Variants in MECOM observed in about 807,000 individuals in gnomAD.
MECOM encodes histone-lysine N-methyltransferase MECOM.
A neutral mutation model predicts 116.3 loss-of-function variants in MECOM; 13 were observed. The ratio of observed to expected loss-of-function variants is 0.11; its 90% CI spans 0.07 to 0.18. The LOEUF is 0.18. Among genes scored for constraint, MECOM ranks in the 10% least tolerant of loss-of-function variants. The pLI, the probability that MECOM is intolerant of heterozygous loss-of-function variation, is 1.00. For missense variants in MECOM, 1,299 were observed against 1,509.0 expected (o/e 0.86, Z 2.31); for synonymous variants, 528 against 535.2 (o/e 0.99, Z 0.19).
intron 1 of MECOM, among the ~76,000 whole-genome samples, chr3:169,435,134 T>C (rs1474538999): frequency 6.6e-6 from 1 of 152,214 alleles, no homozygotes; most frequent in Non-Finnish European, 1.5e-5. Context: ...TATGGAAATA[T>C]GCAGCAATGA....
chr3:169,516,659 T>C (rs765851815), intron 1 of MECOM, among the ~76,000 whole-genome samples: 1 of 152,186 alleles, frequency 6.6e-6, no homozygotes, highest in Non-Finnish European at 1.5e-5. Flanking sequence ...AGCTTGGGTC[T>C]TTCCAATTCC....
intron 2 of MECOM, among the ~76,000 whole-genome samples, chr3:169,317,774 T>A (rs1287531044): frequency 6.6e-6 from 1 of 152,190 alleles, no homozygotes; most frequent in Non-Finnish European, 1.5e-5. Flanking sequence ...AAGAAAATGC[T>A]TTAAATGTCA....
intron 13 of MECOM, among the ~76,000 whole-genome samples, chr3:169,094,866 A>G (rs1176091406): frequency 6.6e-6 from 1 of 152,242 alleles, no homozygotes; most frequent in Non-Finnish European, 1.5e-5. Context: ...AGATAAAAAC[A>G]TAATCCAAAT....
At chr3:169,551,365 C>T (rs1761382395) in intron 1 of MECOM, among the ~76,000 whole-genome samples, 1 of 151,150 alleles carries the variant, frequency 6.6e-6, no homozygotes, top group African/African-American at 2.4e-5. Context: ...AAACAAATAT[C>T]TACACTTTAA....
At chr3:169,111,719 A>G (rs1727459401) in intron 9 of MECOM, among the ~76,000 whole-genome samples, 1 of 152,108 alleles carries the variant, frequency 6.6e-6, no homozygotes, top group African/African-American at 2.4e-5. Context: ...AGATTTATCC[A>G]ACTAACCCAG....
intron 1 of MECOM, among the ~76,000 whole-genome samples, chr3:169,504,912 T>C (rs930222448): frequency 1.3e-5 from 2 of 152,214 alleles, no homozygotes; most frequent in Non-Finnish European, 2.9e-5. Flanking sequence ...AGCATAGGCA[T>C]AGCTGGCTGA....
chr3:169,488,516 A>G (rs1252410039), intron 1 of MECOM, among the ~76,000 whole-genome samples: 3 of 152,108 alleles, frequency 2.0e-5, no homozygotes, highest in Non-Finnish European at 1.5e-5. Context: ...ACTGCACTGC[A>G]GCCTGGGCGA....
intron 2 of MECOM, among the ~76,000 whole-genome samples, chr3:169,378,450 AAGGAAAGCAAGCAAGC>A (rs1293374589): frequency 0.015 from 825 of 54,078 alleles, 96 homozygotes; most frequent in African/African-American, 0.035. Flanking sequence ...AGAAAGAAAG[AAGGAAAGCAAGCAAGC>A]AAGCAAGCAA....
intron 1 of MECOM, among the ~76,000 whole-genome samples, chr3:169,412,661 A>G (rs1398915677): frequency 2.0e-5 from 3 of 152,200 alleles, no homozygotes; most frequent in Non-Finnish European, 4.4e-5. Flanking sequence ...ATTAATTATA[A>G]TAATGTTTGA....
At chr3:169,120,811 G>T in intron 7 of MECOM, 1 of 325,896 alleles carries the variant, frequency 3.1e-6, no homozygotes, top group Non-Finnish European at 5.5e-6. Flanking sequence ...ATTATCTAAT[G>T]AATTTTCTTT....
Position 169,381,441 on chromosome 3 carries a change from G to C in MECOM, c.121C>G (p.Leu41Val), listed in dbSNP as rs1381796367. Residue 41 changes from leucine (L) to valine (V), a missense_variant, in exon 2 of 17, where the codon CTC (leucine) becomes GTC (valine). This residue lies in a region of MECOM where 374 missense variants were observed against 433.4 expected (regional missense o/e 0.86). Transcript: ENST00000651503. ...DADGVASTPS[L>V]NIQEPCSPAT... is the part of the protein sequence containing the mutation. ...GGAGAGCATGGCTCTTGAATATTGA[G>C]GGAGGGAGTGCTGGCTACTCCATCT... is the stretch of plus-strand genomic sequence containing the variant. 2 of 1,613,768 alleles carry C rather than the reference G, an allele frequency of 1.2e-6. No homozygotes were observed. Among genetic ancestry groups the C allele is most frequent in the Admixed American group, 1.7e-5 (1 of 59,992 alleles).
rs147636169 is a variant in MECOM at position 169,165,371 on chromosome 3, G to T, written c.376-21539C>A. On this transcript the variant is annotated intron_variant, in intron 2 of 16. Transcript: ENST00000651503. ...TATAACCAAACATTGCAATTGTACCGGATGGTCAAGCCATCTATAGCATAC... is the reference window on the plus strand; with the variant it reads ...TATAACCAAACATTGCAATTGTACCTGATGGTCAAGCCATCTATAGCATAC... 4.6e-5 allele frequency among the ~76,000 whole-genome samples: 7 copies of T among 152,208 alleles called. No individual in the cohort carries two copies. In the South Asian group the frequency reaches 6.2e-4, roughly 14 times the overall value.
At chr3:169,403,920 T>C (rs1736261985) in intron 1 of MECOM, among the ~76,000 whole-genome samples, 1 of 152,184 alleles carries the variant, frequency 6.6e-6, no homozygotes, top group Non-Finnish European at 1.5e-5. Flanking sequence ...GTTTGGTTAT[T>C]AGTGTACATG....
intron 2 of MECOM, among the ~76,000 whole-genome samples, chr3:169,158,161 T>C (rs904694647): frequency 2.0e-5 from 3 of 152,228 alleles, no homozygotes; most frequent in African/African-American, 7.2e-5. Flanking sequence ...GTGTTTTAGC[T>C]ACGTAACTTT....
intron 2 of MECOM, among the ~76,000 whole-genome samples, chr3:169,152,667 G>A (rs1741354378): frequency 6.6e-6 from 1 of 152,152 alleles, no homozygotes; most frequent in African/African-American, 2.4e-5. Flanking sequence ...GGCACTGTGT[G>A]CGTTCAGAAT....
chr3:169,524,476 T>C (rs1454325594), intron 1 of MECOM, among the ~76,000 whole-genome samples: 1 of 152,186 alleles, frequency 6.6e-6, no homozygotes, highest in Non-Finnish European at 1.5e-5. Context: ...GGACACTCTT[T>C]TCTGTTTTCA....
chr3:169,442,658 A>G (rs1743927596), intron 1 of MECOM, among the ~76,000 whole-genome samples: 1 of 152,212 alleles, frequency 6.6e-6, no homozygotes. Flanking sequence ...ACATCAAAAG[A>G]GGCAAACAGG....
rs1559974027 is a variant in MECOM at position 169,191,774 on chromosome 3, GAAA to G, written c.376-47945_376-47943del. Among the ~76,000 whole-genome samples the G allele has an allele frequency of 2.2e-5, 3 of 138,404 alleles. No homozygotes were observed. In the Admixed American group the frequency reaches 2.2e-4, roughly 10 times the overall value. The allele number at this position is 138,404 out of a possible 152,430, so 90.8% of individuals were successfully genotyped here. On this transcript the variant is annotated intron_variant, in intron 2 of 16. Coordinates refer to ENST00000651503, the MANE Select transcript of MECOM (RefSeq NM_004991.4). ...AGAAAGAAAGAAAGAAAGAAAGAAAGAAAGAAAGAAAGAAAGAAAGGGAGGGAA... is the reference window on the plus strand; with the variant it reads ...AGAAAGAAAGAAAGAAAGAAAGAAAGGAAAGAAAGAAAGAAAGGGAGGGAA...
chr3:169,162,372 T>C (rs769038300), intron 2 of MECOM, among the ~76,000 whole-genome samples: 31 of 152,308 alleles, frequency 2.0e-4, no homozygotes, highest in Admixed American at 8.5e-4. Flanking sequence ...CTAAGCTACT[T>C]GAAAGAACGG....
Sources: allele counts gnomAD v4.1 joint callset (sites outside exome capture counted in the v4.1 genomes callset), GRCh38; gene constraint gnomAD v4.1.1; regional missense constraint gnomAD v4.1.1; transcripts MANE v1.5; gene names NCBI Gene and HGNC (gene_info 2026-07-23, HGNC 2026-07-21).